Variants in TENM3 observed in about 807,000 individuals in gnomAD.
The protein encoded by TENM3 is teneurin transmembrane protein 3.
Under a neutral mutation model 255.1 loss-of-function variants are expected in TENM3, and 63 were observed. The ratio of observed to expected loss-of-function variants is 0.25; its 90% CI spans 0.20 to 0.30. The LOEUF (loss-of-function observed/expected upper bound fraction) is 0.30. Among genes scored for constraint, TENM3 ranks in the 10% least tolerant of loss-of-function variants. TENM3 has a pLI of 1.00. For missense variants in TENM3, 2,929 were observed against 3,461.1 expected, an observed-to-expected ratio of 0.85 and a Z score of 3.86; for synonymous variants, 1,306 against 1,322.3, an observed-to-expected ratio of 0.99 and a Z score of 0.27.
chr4:182,234,294 G>A (rs1184402514), intron 1 of TENM3, among the ~76,000 whole-genome samples: 5 of 152,120 alleles, frequency 3.3e-5, no homozygotes, highest in Admixed American at 1.3e-4. Flanking sequence ...TACAGAGCAC[G>A]GTTCTCTCCT....
At chr4:181,821,120 C>T in the TENM3 span, among the ~76,000 whole-genome samples, 1 of 152,166 alleles carries the variant, frequency 6.6e-6, no homozygotes, top group Non-Finnish European at 1.5e-5. Flanking sequence ...CACCAAAGTC[C>T]CTGATAGCCA....
At chr4:182,549,867 C>A (rs1014482720) in intron 3 of TENM3, among the ~76,000 whole-genome samples, 8 of 152,054 alleles carry the variant, frequency 5.3e-5, no homozygotes, top group African/African-American at 1.9e-4. Flanking sequence ...GACTTTTTTC[C>A]CTTTTTAATT....
intron 3 of TENM3, among the ~76,000 whole-genome samples, chr4:182,467,814 G>A (rs1580655984): frequency 6.6e-6 from 1 of 152,244 alleles, no homozygotes; most frequent in South Asian, 2.1e-4. Flanking sequence ...GATCCAATCT[G>A]GTAATTAGAG....
intron 12 of TENM3, among the ~76,000 whole-genome samples, chr4:182,703,395 A>G (rs543149665): frequency 1.3e-5 from 2 of 152,232 alleles, no homozygotes; most frequent in Non-Finnish European, 2.9e-5. Context: ...GAGCTATTGA[A>G]CACTCTACCC....
chr4:181,834,379 C>T, the TENM3 span, among the ~76,000 whole-genome samples: 1 of 152,178 alleles, frequency 6.6e-6, no homozygotes, highest in Non-Finnish European at 1.5e-5. Context: ...TTTTCCTGTC[C>T]TGTCAGTCAC....
chr4:182,671,470 C>G (rs1170215607), intron 6 of TENM3, among the ~76,000 whole-genome samples: 6 of 152,154 alleles, frequency 3.9e-5, no homozygotes, highest in Non-Finnish European at 8.8e-5. Flanking sequence ...AAACTTAACT[C>G]CTGTGAAATC....
chr4:182,284,968 G>T (rs1760639189), intron 1 of TENM3, among the ~76,000 whole-genome samples: 1 of 152,026 alleles, frequency 6.6e-6, no homozygotes, highest in Non-Finnish European at 1.5e-5. Context: ...TGGGAATCTG[G>T]GTCAAAGAGG....
chr4:181,974,820 G>A, the TENM3 span, among the ~76,000 whole-genome samples: 2 of 152,168 alleles, frequency 1.3e-5, no homozygotes, highest in Non-Finnish European at 2.9e-5. Context: ...AGATGTGCTT[G>A]TTTGTTCCAT....
At chr4:181,874,472 G>A in the TENM3 span, 2 of 152,140 alleles carry the variant, frequency 1.3e-5, no homozygotes, top group Non-Finnish European at 2.9e-5. Flanking sequence ...AATCAATGAA[G>A]ACTTTTATTA....
At chr4:181,924,861 T>A in the TENM3 span, among the ~76,000 whole-genome samples, 308 of 152,292 alleles carry the variant, frequency 2.0e-3, no homozygotes, top group African/African-American at 6.8e-3. Context: ...AACTTGAACA[T>A]GTCAAGGAGT....
chr4:182,742,455 G>A (rs1237238833), intron 18 of TENM3, among the ~76,000 whole-genome samples: 1 of 152,140 alleles, frequency 6.6e-6, no homozygotes, highest in African/African-American at 2.4e-5. Flanking sequence ...TTCTCCTATT[G>A]GATGAGAGTG....
intron 22 of TENM3, among the ~76,000 whole-genome samples, chr4:182,764,812 C>G (rs1401425263): frequency 1.3e-5 from 2 of 152,156 alleles, no homozygotes; most frequent in Non-Finnish European, 2.9e-5. Flanking sequence ...AGGCGGGACT[C>G]TGTTCAAGGA....
At chr4:182,339,910 TAA>T (rs5864779) in intron 2 of TENM3, among the ~76,000 whole-genome samples, 5 of 150,620 alleles carry the variant, frequency 3.3e-5, no homozygotes, top group East Asian at 3.9e-4. Flanking sequence ...GTTTTTGATT[TAA>T]AAAAAAAAGC....
At chr4:182,489,038 T>G (rs1401358402) in intron 3 of TENM3, among the ~76,000 whole-genome samples, 1 of 152,198 alleles carries the variant, frequency 6.6e-6, no homozygotes, top group African/African-American at 2.4e-5. Flanking sequence ...TTAAATGATT[T>G]TATTACTTTC....
chr4:182,097,573 C>T, the TENM3 span, among the ~76,000 whole-genome samples: 7 of 152,052 alleles, frequency 4.6e-5, no homozygotes, highest in Non-Finnish European at 1.0e-4. Context: ...TAGATTTACT[C>T]GACATATATG....
At chr4:182,472,593 T>C (rs1733236943) in intron 3 of TENM3, among the ~76,000 whole-genome samples, 1 of 152,244 alleles carries the variant, frequency 6.6e-6, no homozygotes, top group Non-Finnish European at 1.5e-5. Context: ...TAAAAGAATT[T>C]GATGAACTCA....
At chr4:181,868,141 G>C in the TENM3 span, among the ~76,000 whole-genome samples, 58,171 of 151,782 alleles carry the variant, frequency 0.38, 12,918 homozygotes, top group Non-Finnish European at 0.49. Context: ...TGCACAGCTT[G>C]ATGGGTTTTT....
the TENM3 span, among the ~76,000 whole-genome samples, chr4:182,100,810 CAT>C: frequency 0.024 from 149 of 6,334 alleles, 40 homozygotes; most frequent in African/African-American, 0.082. Context: ...TATATATACA[CAT>C]ATATATACAC....
chr4:182,551,497 G>C (rs190103497), intron 3 of TENM3, among the ~76,000 whole-genome samples: 2 of 152,074 alleles, frequency 1.3e-5, no homozygotes, highest in Non-Finnish European at 2.9e-5. Context: ...TTCAAACTGT[G>C]ATGATTAGAA....
Sources: allele counts gnomAD v4.1 joint callset (sites outside exome capture counted in the v4.1 genomes callset), GRCh38; gene constraint gnomAD v4.1.1; transcripts MANE v1.5; gene names NCBI Gene and HGNC (gene_info 2026-07-23, HGNC 2026-07-21).